RGS10: variants seen among roughly 807,000 people sequenced by gnomAD.
The protein encoded by RGS10 is regulator of G protein signaling 10.
In RGS10, 11 loss-of-function variants were observed where a neutral mutation model predicts 23.5. The ratio of observed to expected loss-of-function variants is 0.47; its 90% confidence interval spans 0.29 to 0.77. The LOEUF (loss-of-function observed/expected upper bound fraction) is 0.77. RGS10 is among the 30% of genes least tolerant of loss of function. RGS10 has a pLI of 0.08. For synonymous variants in RGS10, 77 were observed against 83.2 expected (o/e 0.92, Z 0.41); for missense variants, 180 against 226.3 (o/e 0.80, Z 1.31).
At chr10:119,519,510 CCTGT>C (rs1452492210) in intron 3 of RGS10, among the ~76,000 whole-genome samples, 1 of 108,592 alleles carries the variant, frequency 9.2e-6, no homozygotes, top group Non-Finnish European at 1.8e-5. Context: ...CTCCTGTCTC[CCTGT>C]CTGTCCCCCA....
At chr10:119,536,504 C>T (rs774862091) in intron 1 of RGS10, 1 of 1,610,904 alleles carries the variant, frequency 6.2e-7, no homozygotes, top group Non-Finnish European at 8.5e-7. Context: ...TCCACGCAGA[C>T]CAACAATCCA....
intron 1 of RGS10, among the ~76,000 whole-genome samples, chr10:119,533,405 G>T (rs1254417151): frequency 6.6e-6 from 1 of 151,962 alleles, no homozygotes; most frequent in African/African-American, 2.4e-5. Context: ...GTTAAAGTAA[G>T]TAAGTAAATA....
intron 3 of RGS10, among the ~76,000 whole-genome samples, chr10:119,522,076 A>G (rs923013878): frequency 1.3e-5 from 2 of 152,204 alleles, no homozygotes; most frequent in Non-Finnish European, 2.9e-5. Context: ...GAATGCCTTC[A>G]TCCTACAAAG....
At chr10:119,507,795 G>A (rs1230236531) in intron 4 of RGS10, among the ~76,000 whole-genome samples, 1 of 151,978 alleles carries the variant, frequency 6.6e-6, no homozygotes, top group African/African-American at 2.4e-5. Flanking sequence ...ACGTTGGCCA[G>A]GCTGGTCTCA....
At chr10:119,510,103 C>T (rs559745642) in intron 4 of RGS10, among the ~76,000 whole-genome samples, 14 of 152,302 alleles carry the variant, frequency 9.2e-5, no homozygotes, top group African/African-American at 3.1e-4. Context: ...TCTTGCCCAA[C>T]TGGTATGGGA....
At chr10:119,503,240 G>A (rs999976884) in intron 4 of RGS10, among the ~76,000 whole-genome samples, 6 of 151,892 alleles carry the variant, frequency 4.0e-5, no homozygotes, top group Non-Finnish European at 5.9e-5. Flanking sequence ...TAAGGAGGCT[G>A]AGGTGGGAGG....
At chr10:119,522,766 G>A (rs1435078331) in intron 3 of RGS10, among the ~76,000 whole-genome samples, 1 of 151,048 alleles carries the variant, frequency 6.6e-6, no homozygotes, top group African/African-American at 2.4e-5. Context: ...ACTTCTCCCA[G>A]TGCCTATGTT....
intron 4 of RGS10, among the ~76,000 whole-genome samples, chr10:119,503,120 G>C (rs957443824): frequency 5.3e-5 from 8 of 152,084 alleles, no homozygotes; most frequent in African/African-American, 1.9e-4. Context: ...GCTCATGCCT[G>C]AAACTCCAGC....
At chr10:119,504,947 G>A (rs577802950) in intron 4 of RGS10, among the ~76,000 whole-genome samples, 3 of 152,290 alleles carry the variant, frequency 2.0e-5, no homozygotes, top group Admixed American at 1.3e-4. Context: ...GCTGTTTGAA[G>A]CCACTTGACT....
chr10:119,518,680 G>A (rs1776940492), intron 3 of RGS10, among the ~76,000 whole-genome samples: 1 of 151,414 alleles, frequency 6.6e-6, no homozygotes, highest in African/African-American at 2.4e-5. Context: ...CTCTCTACAT[G>A]GGGGTTAATG....
At chr10:119,523,305 G>A (rs960012097) in intron 3 of RGS10, among the ~76,000 whole-genome samples, 6 of 152,192 alleles carry the variant, frequency 3.9e-5, no homozygotes, top group African/African-American at 1.4e-4. Flanking sequence ...TGACAGGAGG[G>A]TGGCATTCAT....
intron 4 of RGS10, among the ~76,000 whole-genome samples, chr10:119,504,078 G>A (rs1237369791): frequency 6.6e-6 from 1 of 152,226 alleles, no homozygotes; most frequent in Non-Finnish European, 1.5e-5. Context: ...AAAAACGAGG[G>A]CTGCAAAGAG....
intron 2 of RGS10, 71 bp from the exon 3 acceptor site, chr10:119,526,189 C>G: frequency 1.2e-6 from 1 of 811,596 alleles, no homozygotes; most frequent in Non-Finnish European, 1.9e-6. Context: ...TGGCATTTCC[C>G]TTCAAAGACT....
At chr10:119,534,959 A>G (rs964510764) in intron 1 of RGS10, among the ~76,000 whole-genome samples, 21 of 152,308 alleles carry the variant, frequency 1.4e-4, no homozygotes, top group African/African-American at 5.1e-4. Context: ...CCAAGCTTTT[A>G]CCTGAATTAA....
At chr10:119,542,565 C>T in intron 1 of RGS10, 25 bp downstream of exon 1, 3 of 1,390,028 alleles carry the variant, frequency 2.2e-6, no homozygotes, top group Non-Finnish European at 2.8e-6. Context: ...CGACCCCGAG[C>T]CCGCGGGCCC....
intron 4 of RGS10, among the ~76,000 whole-genome samples, chr10:119,501,969 G>T (rs1371507932): frequency 6.6e-6 from 1 of 151,996 alleles, no homozygotes; most frequent in Non-Finnish European, 1.5e-5. Flanking sequence ...TGTTAAACTA[G>T]CGCCTGCCCA....
chr10:119,512,544 A>AT (rs1260319466), intron 4 of RGS10, among the ~76,000 whole-genome samples: 75 of 65,090 alleles, frequency 1.2e-3, no homozygotes, highest in Non-Finnish European at 2.2e-3. Flanking sequence ...TCTCTATGCA[A>AT]TTAAAAAAAA....
intron 4 of RGS10, among the ~76,000 whole-genome samples, chr10:119,512,370 C>T (rs905185748): frequency 6.6e-6 from 1 of 152,092 alleles, no homozygotes; most frequent in African/African-American, 2.4e-5. Context: ...TAATGCTGAG[C>T]ACGCATTTTG....
At chr10:119,516,018 G>A (rs1299728337) in intron 3 of RGS10, among the ~76,000 whole-genome samples, 2 of 152,196 alleles carry the variant, frequency 1.3e-5, no homozygotes, top group African/African-American at 4.8e-5. Flanking sequence ...TTGGGAAGCC[G>A]AGGCAGATTG....
Sources: allele counts gnomAD v4.1 joint callset (sites outside exome capture counted in the v4.1 genomes callset), GRCh38; gene constraint gnomAD v4.1.1; transcripts MANE v1.5; gene names NCBI Gene and HGNC (gene_info 2026-07-23, HGNC 2026-07-21).